ATP2A1: variants seen among roughly 807,000 people sequenced by gnomAD.
ATP2A1 encodes the protein ATPase sarcoplasmic/endoplasmic reticulum Ca2+ transporting 1.
A neutral mutation model predicts 109.5 loss-of-function variants in ATP2A1; 83 were observed. The observed-to-expected ratio is 0.76, with a 90% confidence interval of 0.63 to 0.91. The LOEUF is 0.91. Ranked by LOEUF, ATP2A1 falls within the 40% of genes least tolerant of loss-of-function variation. The pLI is 0.00. For synonymous variants in ATP2A1, 505 were observed against 537.6 expected (o/e 0.94, Z 0.84); for missense variants, 1,101 against 1,341.0 (o/e 0.82, Z 2.80).
intron 5 of ATP2A1, among the ~76,000 whole-genome samples, 154 bp downstream of exon 5, chr16:28,882,743 C>T (rs1419480524): frequency 1.3e-5 from 2 of 151,462 alleles, no homozygotes; most frequent in South Asian, 4.2e-4. Flanking sequence ...CAGGCCACTC[C>T]GGCCACATCC....
intron 5 of ATP2A1, among the ~76,000 whole-genome samples, chr16:28,882,979 T>G (rs1963528075): frequency 2.6e-5 from 4 of 152,176 alleles, no homozygotes; most frequent in African/African-American, 7.2e-5. Context: ...TCTGTGCCCT[T>G]GAGGCCTCTC....
rs1964168126 is a variant in ATP2A1 at position 28,903,905 on chromosome 16, C to T, written c.*37+164C>T. The T allele has an allele frequency of 3.8e-6, 3 of 787,498 alleles. No homozygotes were observed. The highest frequency in any genetic ancestry group is 6.5e-6 in the Non-Finnish European group (3 of 459,822). 48.8% of individuals were successfully genotyped at this position (787,498 alleles called of 1,614,324 possible). A position where few individuals can be genotyped will look rare whatever the true frequency, so the allele number is the denominator to read the frequency against. On this transcript the variant is annotated intron_variant, in intron 22 of 22. Transcript: ENST00000395503. This position sits in a 1 kb window ranked among gnomAD's most constrained non-coding sequence, Gnocchi z 5.6. ...CCAGTCAGGGTGGGCCGCTGGCCTC[C>T]CACTGGGCGTCAGTTTGGCTCCCAG...
rs369179562 is a variant in ATP2A1 at position 28,902,798 on chromosome 16, C to G, written c.2631C>G (p.Thr877=). Residue 877 remains threonine (T), a synonymous_variant, in exon 19 of 23, where the codon ACC becomes ACG. Coordinates refer to ENST00000395503, the MANE Select transcript of ATP2A1 (RefSeq NM_004320.6). The surrounding 1 kb of genome is among the most constrained non-coding windows in gnomAD (Gnocchi z 4.8). The part of the protein sequence containing the change: ...YSQLTHFMQC[T]EDNTHFEGID... Reference sequence around the variant, plus strand: ...TGCAGACTCACTTCATGCAGTGCACCGAGGACAACACCCACTTTGAGGGCA... The same window carrying G: ...TGCAGACTCACTTCATGCAGTGCACGGAGGACAACACCCACTTTGAGGGCA... The G allele has an allele frequency of 6.2e-7, 1 of 1,613,716 alleles. No individual in the cohort carries two copies. The highest frequency in any genetic ancestry group is 1.3e-5 in the African/African-American group (1 of 74,838).
chr16:28,882,348 C>A, intron 4 of ATP2A1, 103 bp from the exon 5 acceptor site: 1 of 1,540,480 alleles, frequency 6.5e-7, no homozygotes, highest in East Asian at 2.3e-5. Flanking sequence ...ATACACACAC[C>A]CCTGCCTGTG....
intron 4 of ATP2A1, 66 bp from the exon 5 acceptor site, chr16:28,882,385 A>G (rs971016972): frequency 1.0e-4 from 164 of 1,605,710 alleles, no homozygotes; most frequent in Non-Finnish European, 1.2e-4. Flanking sequence ...CCCCCGTGCC[A>G]GGAGCCACAA....
At chr16:28,894,301 C>T in intron 10 of ATP2A1, 58 bp downstream of exon 10, 1 of 1,520,940 alleles carries the variant, frequency 6.6e-7, no homozygotes, top group Non-Finnish European at 9.1e-7. Context: ...CACCCCCTTT[C>T]TCCCTGGGGC....
chr16:28,886,925 G>A (rs536748624), intron 6 of ATP2A1, among the ~76,000 whole-genome samples: 1 of 151,680 alleles, frequency 6.6e-6, no homozygotes, highest in African/African-American at 2.4e-5. Flanking sequence ...CTGAACCCGG[G>A]AGGTTGCAGT....
chr16:28,879,406 G>A lies in ATP2A1; in HGVS notation c.137-95G>A, dbSNP rs1380174401. ...CAAGCTGTCTGCCCACCACCCTAGA[G>A]CCTCCCCACTGCAGGCCGGAGTCCA... On this transcript the variant is annotated intron_variant, in intron 2 of 22. Transcript: ENST00000395503. 6 of 1,188,936 alleles carry A rather than the reference G, an allele frequency of 5.0e-6. No homozygotes were observed. The African/African-American group carries it at 6.0e-5, about 12-fold the overall frequency. 73.6% of individuals were successfully genotyped at this position (1,188,936 alleles called of 1,614,324 possible).
intron 8 of ATP2A1, among the ~76,000 whole-genome samples, chr16:28,888,161 TA>T: frequency 6.8e-6 from 1 of 147,338 alleles, no homozygotes; most frequent in African/African-American, 2.5e-5. Flanking sequence ...GCCTCCCAAG[TA>T]GCTGGGATTA....
At chr16:28,894,749 G>T in intron 11 of ATP2A1, 73 bp from the exon 12 acceptor site, 2 of 1,605,362 alleles carry the variant, frequency 1.2e-6, no homozygotes, top group South Asian at 1.1e-5. Context: ...TCCTTCTTAC[G>T]CTAGGTGGAA....
At chr16:28,879,200 A>AT (rs1963376230) in intron 2 of ATP2A1, 84 bp downstream of exon 2, 2 of 1,515,064 alleles carry the variant, frequency 1.3e-6, no homozygotes, top group East Asian at 4.5e-5. Flanking sequence ...GCCTCTTTAG[A>AT]TTCTTTGAGC....
In ATP2A1 at chr16:28,891,589, C is replaced by CA. The variant is rs58605175; in HGVS notation, c.1096-2548dup. ...TGGGCGACAGAGCGAGACTCCGTCT[C>CA]AAAAAAAAAAAAAAAAAAGTAGCCA... On this transcript the variant is annotated intron_variant, in intron 9 of 22. Coordinates refer to ENST00000395503, the MANE Select transcript of ATP2A1 (RefSeq NM_004320.6). Among the ~76,000 whole-genome samples, 60 of 72,648 alleles carry CA rather than the reference C, an allele frequency of 8.3e-4. 4 individuals carry two copies. Among genetic ancestry groups the CA allele is most frequent in the South Asian group, 1.6e-3 (3 of 1,896 alleles). The allele number at this position is 72,648 out of a possible 152,430, so 47.7% of individuals were successfully genotyped here. A position where few individuals can be genotyped will look rare whatever the true frequency, so the allele number is the denominator to read the frequency against.
chr16:28,887,584 A>G lies in ATP2A1; in HGVS notation c.790A>G (p.Ile264Val). 1 of 1,613,846 alleles carries G rather than the reference A, an allele frequency of 6.2e-7. No homozygotes were observed. Residue 264 changes from isoleucine (I) to valine (V), a missense_variant, in exon 8 of 23, where the codon ATC becomes GTC. Ile to Val is a conservative substitution (Grantham distance 29). Transcript: ENST00000395503. ...GTTTGGGGAGCAGCTCTCCAAGGTCATCTCCCTCATCTGTGTGGCTGTCTG... is the reference window on the plus strand; with the variant it reads ...GTTTGGGGAGCAGCTCTCCAAGGTCGTCTCCCTCATCTGTGTGGCTGTCTG... The part of the protein sequence containing the change: ...DEFGEQLSKV[I>V]SLICVAVWLI...
chr16:28,879,621 G>C (rs1175747109), intron 3 of ATP2A1, 38 bp downstream of exon 3: 1 of 1,600,340 alleles, frequency 6.2e-7, no homozygotes, highest in Non-Finnish European at 8.5e-7. Context: ...GGCTGGGGGT[G>C]TGAGGCTGGG....
intron 8 of ATP2A1, among the ~76,000 whole-genome samples, chr16:28,888,015 A>T (rs1054127909): frequency 2.0e-5 from 3 of 150,478 alleles, no homozygotes; most frequent in Non-Finnish European, 4.4e-5. Flanking sequence ...GTTAGCCAGG[A>T]TGGTCTCGAT....
At chr16:28,887,772 G>A (rs752603340) in intron 8 of ATP2A1, 50 bp downstream of exon 8, 1 of 1,592,500 alleles carries the variant, frequency 6.3e-7, no homozygotes, top group South Asian at 1.1e-5. Flanking sequence ...CATCTGCAAA[G>A]ACCCCTTTTC....
In ATP2A1 at chr16:28,887,650, G is replaced by A; in HGVS notation, c.856G>A (p.Gly286Ser). ...CCACTTCAACGACCCCGTCCATGGG[G>A]GCTCCTGGTTCCGCGGGGCCATCTA... ...IGHFNDPVHGGSWFRGAIYYF... is the reference protein window; with the variant it reads ...IGHFNDPVHGSSWFRGAIYYF... Residue 286 changes from glycine to serine, a missense_variant, in exon 8 of 23, where the codon GGC (glycine) becomes AGC (serine). Gly to Ser is a moderately conservative substitution (Grantham distance 56, BLOSUM62 0). Coordinates refer to ENST00000395503, the MANE Select transcript of ATP2A1 (RefSeq NM_004320.6). The A allele has an allele frequency of 6.2e-7, 1 of 1,614,134 alleles. No individual in the cohort carries two copies. Among genetic ancestry groups the A allele is most frequent in the South Asian group, 1.1e-5 (1 of 91,084 alleles).
rs758412051 is a variant in ATP2A1, at chr16:28,887,507, A to G, written c.713A>G (p.Gln238Arg). 1 of 1,614,072 alleles carries G rather than the reference A, an allele frequency of 6.2e-7. No homozygotes were observed. Among genetic ancestry groups the G allele is most frequent in the South Asian group, 1.1e-5 (1 of 91,056 alleles). Residue 238 changes from glutamine (Q) to arginine (R), a missense_variant, in exon 8 of 23, where the codon CAA (glutamine) becomes CGA (arginine). Gln to Arg is a conservative substitution (Grantham distance 43, BLOSUM62 1). Coordinates refer to ENST00000395503, the MANE Select transcript of ATP2A1 (RefSeq NM_004320.6). ...VGTEIGKIRD[Q>R]MAATEQDKTP... The stretch of plus-strand genomic sequence containing the variant: ...ACCGAGATTGGGAAGATCCGAGACC[A>G]AATGGCTGCCACAGAACAGGACAAG...
At chr16:28,901,095 T>C (rs1208867917) in intron 15 of ATP2A1, among the ~76,000 whole-genome samples, 179 bp downstream of exon 15, 3 of 152,034 alleles carry the variant, frequency 2.0e-5, no homozygotes, top group Non-Finnish European at 2.9e-5. Context: ...TTTGGGAGGC[T>C]GAGGTGGGCG....
Sources: gnomAD v4.1 joint callset for allele counts (sites outside exome capture counted in the v4.1 genomes callset) on GRCh38, gnomAD v4.1.1 for gene constraint, Gnocchi (gnomAD v3.1) non-coding constraint, MANE v1.5 for transcripts, NCBI Gene and HGNC (gene_info 2026-07-23, HGNC 2026-07-21) for gene names.